Variants in ESR1 observed in about 807,000 individuals in gnomAD.
ESR1 encodes the protein estrogen receptor 1.
A neutral mutation model predicts 52.7 loss-of-function variants in ESR1; 12 were observed. That is an observed-to-expected ratio of 0.23 (90% CI 0.15 to 0.37). The LOEUF (loss-of-function observed/expected upper bound fraction) is 0.37. Ranked by LOEUF, ESR1 falls within the 10% of genes least tolerant of loss-of-function variation. ESR1 has a pLI of 1.00. For synonymous variants in ESR1, 305 were observed against 316.8 expected, an observed-to-expected ratio of 0.96 and a Z score of 0.39; for missense variants, 584 against 779.7, an observed-to-expected ratio of 0.75 and a Z score of 2.99.
chr6:151,903,807 A>G (rs1797046197), intron 3 of ESR1, among the ~76,000 whole-genome samples: 1 of 152,236 alleles, frequency 6.6e-6, no homozygotes, highest in Non-Finnish European at 1.5e-5. Flanking sequence ...AATGGGATAT[A>G]GGATTATATT....
At chr6:151,757,683 G>C (rs928348800) in intron 2 of ESR1, among the ~76,000 whole-genome samples, 16 of 152,184 alleles carry the variant, frequency 1.1e-4, no homozygotes, top group African/African-American at 3.4e-4. Flanking sequence ...CCCTTTGCTT[G>C]TTTGTGCTTT....
intron 2 of ESR1, among the ~76,000 whole-genome samples, chr6:151,869,150 TG>T (rs1790506149): frequency 6.6e-6 from 1 of 152,240 alleles, no homozygotes; most frequent in Non-Finnish European, 1.5e-5. Flanking sequence ...TCCTCTTCCT[TG>T]CTTCTTCAGC....
chr6:151,927,120 T>C (rs2032876073), intron 3 of ESR1, among the ~76,000 whole-genome samples: 1 of 152,184 alleles, frequency 6.6e-6, no homozygotes, highest in Admixed American at 6.5e-5. Flanking sequence ...CTTTTCCCGT[T>C]TTCACTGTTA....
chr6:151,993,708 C>T (rs2041232710), intron 4 of ESR1, among the ~76,000 whole-genome samples: 1 of 152,142 alleles, frequency 6.6e-6, no homozygotes, highest in African/African-American at 2.4e-5. Context: ...TTTTAAACAA[C>T]CTGGGAGGAA....
chr6:151,889,811 C>T (rs991182861), intron 3 of ESR1, among the ~76,000 whole-genome samples: 8 of 152,104 alleles, frequency 5.3e-5, no homozygotes, highest in African/African-American at 1.9e-4. Flanking sequence ...CTTGAAAATA[C>T]TCTTGCTGCA....
intron 3 of ESR1, among the ~76,000 whole-genome samples, chr6:151,895,702 T>C (rs900018735): frequency 1.3e-5 from 2 of 152,250 alleles, no homozygotes; most frequent in Non-Finnish European, 2.9e-5. Flanking sequence ...ATTTATTGAC[T>C]TGCATATGTT....
rs530678294 is a variant in ESR1, at chr6:151,927,256, T to G, written c.761-16917T>G. 2.2e-4 allele frequency among the ~76,000 whole-genome samples: 33 copies of G among 152,354 alleles called. No homozygotes were observed. In the South Asian group the frequency reaches 6.8e-3, roughly 32 times the overall value. ...TTTGTTCTGTCTTGCTAACATTTTGTTGAGATTTTGTGCCAGTGCTCAGGA... is the reference window on the plus strand; with the variant it reads ...TTTGTTCTGTCTTGCTAACATTTTGGTGAGATTTTGTGCCAGTGCTCAGGA... On this transcript the variant is annotated intron_variant, in intron 3 of 7. Coordinates refer to ENST00000206249, the MANE Select transcript of ESR1 (RefSeq NM_000125.4).
intron 4 of ESR1, among the ~76,000 whole-genome samples, chr6:151,955,078 A>G (rs1162218324): frequency 1.3e-5 from 2 of 152,212 alleles, no homozygotes; most frequent in Non-Finnish European, 2.9e-5. Context: ...ACATAGCCCC[A>G]ATCTCATAAA....
intron 6 of ESR1, among the ~76,000 whole-genome samples, chr6:152,085,457 A>C (rs2049628299): frequency 6.6e-6 from 1 of 152,216 alleles, no homozygotes; most frequent in Admixed American, 6.5e-5. Flanking sequence ...CACAGAGGGA[A>C]TGGCTTGTCT....
chr6:152,030,281 A>G (rs1048067424), intron 5 of ESR1, among the ~76,000 whole-genome samples: 1 of 152,206 alleles, frequency 6.6e-6, no homozygotes, highest in African/African-American at 2.4e-5. Context: ...AAATTCACAC[A>G]TAACAATATT....
chr6:152,027,653 A>G (rs1434184009), intron 5 of ESR1, among the ~76,000 whole-genome samples: 6 of 152,080 alleles, frequency 3.9e-5, no homozygotes, highest in African/African-American at 1.4e-4. Context: ...TGCCAGTCTG[A>G]TTTTCTTTCC....
chr6:152,086,738 G>A (rs2049754189), intron 6 of ESR1, among the ~76,000 whole-genome samples: 1 of 151,966 alleles, frequency 6.6e-6, no homozygotes, highest in African/African-American at 2.4e-5. Context: ...GAACAGCACT[G>A]CCATGTTCCC....
chr6:151,833,905 G>C (rs1042296754), intron 1 of ESR1, among the ~76,000 whole-genome samples: 2 of 151,914 alleles, frequency 1.3e-5, no homozygotes, highest in Non-Finnish European at 2.9e-5. Flanking sequence ...GAGTGCCATA[G>C]AGAAAACAAA....
intron 4 of ESR1, among the ~76,000 whole-genome samples, chr6:151,959,232 G>A (rs2037371523): frequency 1.3e-5 from 2 of 151,964 alleles, no homozygotes; most frequent in South Asian, 4.2e-4. Flanking sequence ...CAGGTGTAGA[G>A]GTTGGGTTGT....
intron 4 of ESR1, among the ~76,000 whole-genome samples, chr6:151,946,723 G>A (rs1343357658): frequency 9.2e-5 from 14 of 152,028 alleles, no homozygotes; most frequent in Admixed American, 9.2e-4. Flanking sequence ...GTGTTCCATG[G>A]GAATACAGCT....
In ESR1 at chr6:151,887,486, G is replaced by T. The variant is rs185941092; in HGVS notation, c.760+6715G>T. Among the ~76,000 whole-genome samples the T allele has an allele frequency of 3.4e-4, 52 of 152,050 alleles. No homozygotes were observed. In the East Asian group the frequency reaches 7.6e-3, roughly 22 times the overall value. ...CAGTATTTTATATCAATCAAGCTCTGGTTTCCACAAGCAGAAGCAGATCGT... is the reference window on the plus strand; with the variant it reads ...CAGTATTTTATATCAATCAAGCTCTTGTTTCCACAAGCAGAAGCAGATCGT... On this transcript the variant is annotated intron_variant, in intron 3 of 7. Transcript: ENST00000206249.
At chr6:151,946,332 T>C (rs1180180937) in intron 4 of ESR1, among the ~76,000 whole-genome samples, 1 of 152,214 alleles carries the variant, frequency 6.6e-6, no homozygotes, top group Non-Finnish European at 1.5e-5. Context: ...TTCATGTGTA[T>C]CAGTAGATTC....
upstream of ESR1, chr6:151,805,032 G>C (rs910632464): frequency 6.6e-6 from 1 of 152,132 alleles, no homozygotes. Flanking sequence ...CATATCCTAG[G>C]CTTTTAATAA....
intron 5 of ESR1, among the ~76,000 whole-genome samples, chr6:152,036,291 C>T (rs992166315): frequency 3.3e-5 from 5 of 152,028 alleles, no homozygotes; most frequent in African/African-American, 4.8e-5. Flanking sequence ...ACCTGGGAGG[C>T]GGAGCTTGCA....
Sources: allele counts gnomAD v4.1 joint callset (sites outside exome capture counted in the v4.1 genomes callset), GRCh38; gene constraint gnomAD v4.1.1; transcripts MANE v1.5; gene names NCBI Gene and HGNC (gene_info 2026-07-23, HGNC 2026-07-21).